LRFN2: variants seen among roughly 807,000 people sequenced by gnomAD.
The protein encoded by LRFN2 is leucine-rich repeat and fibronectin type-III domain-containing protein 2.
A neutral mutation model predicts 37.3 loss-of-function variants in LRFN2; 18 were observed. The observed-to-expected ratio is 0.48, with a 90% confidence interval of 0.33 to 0.72. LRFN2 has a LOEUF of 0.72. Among genes scored for constraint, LRFN2 ranks in the 30% least tolerant of loss-of-function variants. LRFN2 has a pLI of 0.02. For synonymous variants in LRFN2, 556 were observed against 466.6 expected, an observed-to-expected ratio of 1.19 and a Z score of -2.47; for missense variants, 1,006 against 1,060.7, an observed-to-expected ratio of 0.95 and a Z score of 0.72.
At chr6:40,418,259 C>T (rs1763140765) in intron 2 of LRFN2, among the ~76,000 whole-genome samples, 1 of 152,148 alleles carries the variant, frequency 6.6e-6, no homozygotes, top group Admixed American at 6.5e-5. Context: ...TTCAGGTCTC[C>T]ACTCCAACAT....
At chr6:40,526,403 T>A (rs1376120244) in intron 1 of LRFN2, among the ~76,000 whole-genome samples, 1 of 152,150 alleles carries the variant, frequency 6.6e-6, no homozygotes, top group Non-Finnish European at 1.5e-5. Flanking sequence ...AACTTTTGCC[T>A]CCTCCCAGTT....
chr6:40,394,011 G>A (rs1260983512), intron 2 of LRFN2, among the ~76,000 whole-genome samples: 1 of 152,174 alleles, frequency 6.6e-6, no homozygotes, highest in Non-Finnish European at 1.5e-5. Flanking sequence ...CCAGAGGAAA[G>A]GGACGATTCC....
chr6:40,439,886 C>T (rs940960197), intron 1 of LRFN2, among the ~76,000 whole-genome samples: 2 of 152,018 alleles, frequency 1.3e-5, no homozygotes, highest in Admixed American at 6.6e-5. Flanking sequence ...ACTTTGGAGT[C>T]ACAGTTTCTA....
At chr6:40,424,630 C>T (rs13196792) in intron 2 of LRFN2, among the ~76,000 whole-genome samples, 56,026 of 151,980 alleles carry the variant, frequency 0.37, 10,963 homozygotes, top group Non-Finnish European at 0.42. Context: ...CATTTTGATC[C>T]GGGCTCTGAC....
Position 40,562,143 on chromosome 6 carries a change from A to C in LRFN2, c.-19+24798T>G, listed in dbSNP as rs530087729. ...ATCATTTAAAAATCAACACATGATA[A>C]GAGGCAGATGAGGGGTACAGATCAT... On this transcript the variant is annotated intron_variant, in intron 1 of 2. Transcript: ENST00000338305. Among the ~76,000 whole-genome samples, 6 of 152,344 alleles carry C rather than the reference A, an allele frequency of 3.9e-5. No homozygotes were observed. In the South Asian group the frequency reaches 8.3e-4, roughly 21 times the overall value.
intron 1 of LRFN2, among the ~76,000 whole-genome samples, chr6:40,517,826 C>T (rs1231072124): frequency 6.6e-6 from 1 of 152,078 alleles, no homozygotes; most frequent in Non-Finnish European, 1.5e-5. Flanking sequence ...ATTAACTGCC[C>T]TTTGGAATTA....
intron 1 of LRFN2, among the ~76,000 whole-genome samples, chr6:40,577,563 C>T (rs1004582257): frequency 2.3e-4 from 33 of 143,632 alleles, no homozygotes; most frequent in Admixed American, 2.3e-3. Flanking sequence ...AGGTATATCT[C>T]CCAATGCTAT....
rs1291615811 is a variant in LRFN2, at chr6:40,577,827, AAAT to A, written c.-19+9111_-19+9113del. ...AATAAATAAAAATTAAAAAAAATAA[AAAT>A]AAATAAAAATAAAAGATCCAGGAGG... On this transcript the variant is annotated intron_variant, in intron 1 of 2. Coordinates refer to ENST00000338305, the MANE Select transcript of LRFN2 (RefSeq NM_020737.3). 1.9e-4 allele frequency among the ~76,000 whole-genome samples: 19 copies of A among 99,760 alleles called. 1 individual carries two copies. The East Asian group carries it at 3.7e-3, about 19-fold the overall frequency. 65.4% of individuals were successfully genotyped at this position (99,760 alleles called of 152,430 possible). A position where few individuals can be genotyped will look rare whatever the true frequency, so the allele number is the denominator to read the frequency against.
chr6:40,435,492 C>A (rs1029820972), intron 1 of LRFN2, among the ~76,000 whole-genome samples: 4 of 151,914 alleles, frequency 2.6e-5, no homozygotes, highest in Non-Finnish European at 4.4e-5. Context: ...CTATAACTCC[C>A]AGTTTGAGGA....
intron 1 of LRFN2, among the ~76,000 whole-genome samples, chr6:40,503,067 A>T (rs772914038): frequency 6.6e-6 from 1 of 152,162 alleles, no homozygotes; most frequent in Non-Finnish European, 1.5e-5. Flanking sequence ...GAACCTAGAG[A>T]GCAAGGACAG....
chr6:40,430,605 C>G (rs935884084), intron 2 of LRFN2, among the ~76,000 whole-genome samples: 7 of 152,376 alleles, frequency 4.6e-5, no homozygotes, highest in Admixed American at 3.3e-4. Context: ...TTCTGTCACT[C>G]TGTGACCTTC....
At chr6:40,402,179 G>A (rs1362059465) in intron 2 of LRFN2, among the ~76,000 whole-genome samples, 1 of 152,308 alleles carries the variant, frequency 6.6e-6, no homozygotes, top group Non-Finnish European at 1.5e-5. Flanking sequence ...TACTTACTAC[G>A]TGCCAGGAAC....
chr6:40,430,492 T>G (rs551242302), intron 2 of LRFN2, among the ~76,000 whole-genome samples: 2 of 152,272 alleles, frequency 1.3e-5, no homozygotes, highest in Admixed American at 6.5e-5. Context: ...CACACAGAAT[T>G]TCAAAGGACA....
At chr6:40,572,934 C>T (rs1411826777) in intron 1 of LRFN2, among the ~76,000 whole-genome samples, 1 of 152,138 alleles carries the variant, frequency 6.6e-6, no homozygotes, top group South Asian at 2.1e-4. Flanking sequence ...AATATTGGAG[C>T]CAAAGGACTG....
intron 1 of LRFN2, among the ~76,000 whole-genome samples, chr6:40,564,224 G>A (rs866450593): frequency 6.6e-6 from 1 of 152,064 alleles, no homozygotes; most frequent in Non-Finnish European, 1.5e-5. Flanking sequence ...GTCCAGTGGT[G>A]GACACAAACA....
At position 40,480,257 on chromosome 6, in the gene LRFN2, A is replaced by G. The variant is rs961029946; in HGVS notation, c.-18-47126T>C. On this transcript the variant is annotated intron_variant, in intron 1 of 2. Transcript: ENST00000338305. ...GTTCCACTTGTCTGGCCAGGAGTTC[A>G]GTTCAGGCTTTTTTTCTTTTTTCTT... 3.3e-5 allele frequency among the ~76,000 whole-genome samples: 5 copies of G among 152,254 alleles called. No homozygotes were observed. In the East Asian group the frequency reaches 9.7e-4, roughly 29 times the overall value.
At chr6:40,483,304 G>A (rs1764876465) in intron 1 of LRFN2, among the ~76,000 whole-genome samples, 1 of 152,220 alleles carries the variant, frequency 6.6e-6, no homozygotes, top group Non-Finnish European at 1.5e-5. Flanking sequence ...CCTTGAACCT[G>A]GGTTTCTTTG....
intron 1 of LRFN2, among the ~76,000 whole-genome samples, chr6:40,445,375 C>T (rs200649071): frequency 6.6e-6 from 1 of 152,314 alleles, no homozygotes; most frequent in South Asian, 2.1e-4. Flanking sequence ...CCTACCCCCT[C>T]CCAGATGACA....
chr6:40,421,722 T>C (rs944252441), intron 2 of LRFN2, among the ~76,000 whole-genome samples: 1 of 152,018 alleles, frequency 6.6e-6, no homozygotes, highest in Non-Finnish European at 1.5e-5. Flanking sequence ...CATGGCCAAG[T>C]TTTTTCAGGT....
Sources: allele counts gnomAD v4.1 joint callset (sites outside exome capture counted in the v4.1 genomes callset), GRCh38; gene constraint gnomAD v4.1.1; transcripts MANE v1.5; gene names NCBI Gene and HGNC (gene_info 2026-07-23, HGNC 2026-07-21).